ARHGAP10: variants seen among roughly 807,000 people sequenced by gnomAD.
ARHGAP10 encodes the protein rho GTPase-activating protein 10.
A neutral mutation model predicts 108.6 loss-of-function variants in ARHGAP10; 87 were observed. The ratio of observed to expected loss-of-function variants is 0.80; its 90% CI spans 0.67 to 0.96. The LOEUF (loss-of-function observed/expected upper bound fraction) is 0.96, where lower values mean the gene tolerates loss of function less well. Among genes scored for constraint, ARHGAP10 ranks in the 40% least tolerant of loss-of-function variants. The probability of loss-of-function intolerance (pLI) is 0.00; values close to 1 mark genes in which losing one functional copy is unlikely to be tolerated. For synonymous variants in ARHGAP10, 347 were observed against 341.1 expected, an observed-to-expected ratio of 1.02 and a Z score of -0.19; for missense variants, 939 against 954.5, an observed-to-expected ratio of 0.98 and a Z score of 0.21.
chr4:147,956,287 G>A (rs1560844116), intron 16 of ARHGAP10, among the ~76,000 whole-genome samples: 1 of 152,010 alleles, frequency 6.6e-6, no homozygotes, highest in Non-Finnish European at 1.5e-5. Flanking sequence ...TTCCCTTTGG[G>A]ACCAATGTTA....
At chr4:147,816,481 A>G (rs778079824) in intron 1 of ARHGAP10, among the ~76,000 whole-genome samples, 1 of 152,142 alleles carries the variant, frequency 6.6e-6, no homozygotes, top group Non-Finnish European at 1.5e-5. Flanking sequence ...GTATTCTGTG[A>G]TAAGAATTCA....
At chr4:147,974,834 G>T (rs1263674870) in intron 18 of ARHGAP10, among the ~76,000 whole-genome samples, 1 of 152,138 alleles carries the variant, frequency 6.6e-6, no homozygotes, top group Non-Finnish European at 1.5e-5. Context: ...AAGGGGAAAG[G>T]CATATCTTAC....
At chr4:147,996,423 C>T (rs1740481622) in intron 18 of ARHGAP10, among the ~76,000 whole-genome samples, 1 of 152,092 alleles carries the variant, frequency 6.6e-6, no homozygotes, top group African/African-American at 2.4e-5. Context: ...TTAACATGAC[C>T]ATCTCATACT....
chr4:147,863,018 T>A (rs1734392418), intron 5 of ARHGAP10: 1 of 152,258 alleles, frequency 6.6e-6, no homozygotes, highest in African/African-American at 2.4e-5. Flanking sequence ...ATGGTTTTTA[T>A]TACATTTTGA....
intron 1 of ARHGAP10, among the ~76,000 whole-genome samples, chr4:147,816,425 A>C (rs1354417732): frequency 6.6e-6 from 1 of 151,734 alleles, no homozygotes; most frequent in Admixed American, 6.6e-5. Flanking sequence ...TTTTCCTTTT[A>C]CTCCATAAAT....
chr4:148,032,588 T>A (rs994446390), intron 19 of ARHGAP10, among the ~76,000 whole-genome samples: 1 of 152,046 alleles, frequency 6.6e-6, no homozygotes, highest in Non-Finnish European at 1.5e-5. Context: ...TGTATTAGGG[T>A]GCTCTAAAGA....
At chr4:147,886,214 AG>A (rs770592715) in intron 10 of ARHGAP10, among the ~76,000 whole-genome samples, 5 of 152,246 alleles carry the variant, frequency 3.3e-5, no homozygotes, top group Non-Finnish European at 7.3e-5. Context: ...TTTTGGATAA[AG>A]GATACTCAAC....
intron 18 of ARHGAP10, among the ~76,000 whole-genome samples, chr4:147,999,327 C>T (rs551219059): frequency 1.3e-5 from 2 of 152,380 alleles, no homozygotes; most frequent in Admixed American, 1.3e-4. Flanking sequence ...TGGCTACCCT[C>T]TTTGGGTACC....
chr4:147,863,565 C>G (rs1240014320), intron 5 of ARHGAP10: 1 of 152,122 alleles, frequency 6.6e-6, no homozygotes, highest in African/African-American at 2.4e-5. Context: ...CATATCTGTT[C>G]GAGTCTCTGC....
intron 18 of ARHGAP10, among the ~76,000 whole-genome samples, chr4:148,005,337 A>T (rs1578782288): frequency 6.6e-6 from 1 of 152,202 alleles, no homozygotes; most frequent in African/African-American, 2.4e-5. Context: ...AAATCTGATC[A>T]CTTTGAGGGC....
chr4:147,998,333 CTG>C (rs996592613), intron 18 of ARHGAP10, among the ~76,000 whole-genome samples: 3 of 152,062 alleles, frequency 2.0e-5, no homozygotes, highest in African/African-American at 7.2e-5. Context: ...GTGAAATAAA[CTG>C]AGAGAATTTT....
At chr4:148,012,924 G>GTTTT (rs560854784) in intron 18 of ARHGAP10, among the ~76,000 whole-genome samples, 134 of 138,936 alleles carry the variant, frequency 9.6e-4, no homozygotes, top group African/African-American at 2.7e-3. Context: ...TATCTGTCTG[G>GTTTT]TTTTTTTTTT....
intron 18 of ARHGAP10, among the ~76,000 whole-genome samples, chr4:148,017,682 A>ATATATATATATG (rs1437383455): frequency 1.3e-4 from 17 of 135,262 alleles, no homozygotes; most frequent in African/African-American, 3.2e-4. Flanking sequence ...ATATATATAT[A>ATATATATATATG]TGTGTGTGTA....
intron 10 of ARHGAP10, among the ~76,000 whole-genome samples, chr4:147,892,059 T>A (rs1467503822): frequency 6.6e-6 from 1 of 152,218 alleles, no homozygotes; most frequent in Non-Finnish European, 1.5e-5. Flanking sequence ...CGTTTTGCTC[T>A]CATTAATCTG....
rs79001455 is a variant in ARHGAP10 at position 147,924,971 on chromosome 4, A to T, written c.1228+11832A>T. 3.4e-5 allele frequency among the ~76,000 whole-genome samples: 5 copies of T among 147,184 alleles called. No individual in the cohort carries two copies. In the East Asian group the frequency reaches 7.9e-4, roughly 23 times the overall value. On this transcript the variant is annotated intron_variant, in intron 13 of 22. Coordinates refer to ENST00000336498, the MANE Select transcript of ARHGAP10 (RefSeq NM_024605.4). The stretch of plus-strand genomic sequence containing the variant: ...GCTCTAGGAGATTGAAGAACTTTCT[A>T]TTTTTTTTTTTTTAAAATAGCAATT...
chr4:148,030,459 T>C (rs891097492), intron 19 of ARHGAP10, among the ~76,000 whole-genome samples: 2 of 152,226 alleles, frequency 1.3e-5, no homozygotes, highest in East Asian at 1.9e-4. Context: ...TTTGAAACGT[T>C]TTCTTTGATA....
intron 15 of ARHGAP10, among the ~76,000 whole-genome samples, chr4:147,948,772 C>A (rs560994475): frequency 1.3e-5 from 2 of 151,424 alleles, no homozygotes; most frequent in South Asian, 2.1e-4. Flanking sequence ...CTTGCTAACA[C>A]GGTGAAACCC....
At chr4:147,850,488 G>T (rs527369320) in intron 4 of ARHGAP10, among the ~76,000 whole-genome samples, 1 of 152,134 alleles carries the variant, frequency 6.6e-6, no homozygotes, top group Non-Finnish European at 1.5e-5. Context: ...TGAACCCAGC[G>T]GGAGGAACAG....
intron 18 of ARHGAP10, among the ~76,000 whole-genome samples, chr4:147,975,137 G>C (rs924273060): frequency 1.1e-4 from 17 of 152,176 alleles, no homozygotes; most frequent in African/African-American, 4.1e-4. Context: ...TCCTGGACAA[G>C]GATTCTTTAT....
Sources: gnomAD v4.1 joint callset for allele counts (sites outside exome capture counted in the v4.1 genomes callset) on GRCh38, gnomAD v4.1.1 for gene constraint, MANE v1.5 for transcripts, NCBI Gene and HGNC (gene_info 2026-07-23, HGNC 2026-07-21) for gene names.